Variants in ATXN7L3 observed in about 807,000 individuals in gnomAD.
ATXN7L3 encodes ataxin-7-like protein 3.
ATXN7L3 carries 6 observed loss-of-function variants against 50.0 expected under a neutral mutation model. The observed-to-expected ratio is 0.12, with a 90% confidence interval of 0.07 to 0.24. The LOEUF is 0.24. Among genes scored for constraint, ATXN7L3 ranks in the 10% least tolerant of loss-of-function variants. The probability of loss-of-function intolerance (pLI) is 1.00; values close to 1 mark genes in which losing one functional copy is unlikely to be tolerated. For missense variants in ATXN7L3, 322 were observed against 451.3 expected (o/e 0.71, Z 2.60); for synonymous variants, 198 against 165.8 (o/e 1.19, Z -1.49).
rs368051919 is a variant in ATXN7L3 at position 44,197,003 on chromosome 17, T to C, written c.380A>G (p.Asn127Ser). Residue 127 changes from asparagine to serine, a missense_variant, in exon 5 of 13, where the codon AAT (asparagine) becomes AGT (serine). This residue lies in a region of ATXN7L3 where 95 missense variants were observed against 98.1 expected (regional missense o/e 0.97). Transcript: ENST00000587097. The part of the protein sequence containing the change: ...NRRIANSNNM[N>S]KSESDQEDND... ...ATCTTCTTGGTCACTCTCAGACTTA[T>C]TCATATTGTTGCTATTGGCAATCCT... 7 of 1,613,282 alleles carry C rather than the reference T, an allele frequency of 4.3e-6. No individual in the cohort carries two copies. Among genetic ancestry groups the C allele is most frequent in the South Asian group, 1.1e-5 (1 of 91,052 alleles).
At chr17:44,194,466 A>AC in intron 12 of ATXN7L3, 51 bp downstream of exon 12, 1 of 1,612,714 alleles carries the variant, frequency 6.2e-7, no homozygotes, top group Non-Finnish European at 8.5e-7. Flanking sequence ...GAGAGGTGGC[A>AC]CCCCCATGGC....
rs1276258117 is a variant in ATXN7L3 at position 44,194,227 on chromosome 17, G to A, written c.*36C>T. 3.7e-6 allele frequency: 6 copies of A among 1,609,480 alleles called. No individual in the cohort carries two copies. In the South Asian group the frequency reaches 5.5e-5, roughly 15 times the overall value. ...ACCTGGGTGGGGGTCAGGAGAGAGG[G>A]CTCTGCTCAGCCAAAGGCTATCCCT... On this transcript the variant is annotated 3_prime_UTR_variant, in exon 13 of 13. Coordinates refer to ENST00000587097, the MANE Select transcript of ATXN7L3 (RefSeq NM_001382309.1).
intron 8 of ATXN7L3, 86 bp downstream of exon 8, chr17:44,195,714 C>A: frequency 6.9e-7 from 1 of 1,450,080 alleles, no homozygotes; most frequent in South Asian, 1.2e-5. Flanking sequence ...CTCTGGCTGT[C>A]AGCATTCTGA....
intron 11 of ATXN7L3, 35 bp downstream of exon 11, chr17:44,194,733 T>C: frequency 6.2e-7 from 1 of 1,613,730 alleles, no homozygotes; most frequent in Non-Finnish European, 8.5e-7. Flanking sequence ...CCCTAACTGG[T>C]CACAACCCCC....
chr17:44,193,952 C>A lies in ATXN7L3; in HGVS notation c.*311G>T. The A allele has an allele frequency of 3.1e-6, 1 of 323,010 alleles. No homozygotes were observed. Among genetic ancestry groups the A allele is most frequent in the South Asian group, 3.7e-5 (1 of 26,808 alleles). 20.0% of individuals were successfully genotyped at this position (323,010 alleles called of 1,614,324 possible). The stretch of plus-strand genomic sequence containing the variant: ...GGGCAGGCAGTGCCCTGGCACAGTG[C>A]CCAGGTCAGGCCCCTGGCCTAGCTG... On this transcript the variant is annotated 3_prime_UTR_variant, in exon 13 of 13. Transcript: ENST00000587097.
intron 8 of ATXN7L3, 100 bp from the exon 9 acceptor site, chr17:44,195,587 G>A (rs956741848): frequency 5.9e-6 from 8 of 1,357,616 alleles, no homozygotes; most frequent in African/African-American, 2.9e-5. Context: ...TTCTAAGTGA[G>A]GCTTTAGAAC....
intron 4 of ATXN7L3, 40 bp downstream of exon 4, chr17:44,197,188 G>A: frequency 6.3e-7 from 1 of 1,574,862 alleles, no homozygotes; most frequent in Non-Finnish European, 8.6e-7. Flanking sequence ...ACTACACCAT[G>A]GCACAGGCTG....
At chr17:44,197,792 C>G in intron 2 of ATXN7L3, 62 bp from the exon 3 acceptor site, 11 of 1,607,282 alleles carry the variant, frequency 6.8e-6, no homozygotes, top group African/African-American at 1.3e-5. Context: ...CTCTCACCAA[C>G]CAAATCTGCT....
intron 6 of ATXN7L3, 49 bp downstream of exon 6, chr17:44,196,347 G>T (rs1223259876): frequency 2.5e-6 from 4 of 1,610,818 alleles, no homozygotes; most frequent in Admixed American, 1.7e-5. Context: ...AAAGGGGAGG[G>T]TATCTGTCCT....
chr17:44,196,001 T>G, intron 7 of ATXN7L3, 33 bp downstream of exon 7: 1 of 1,592,490 alleles, frequency 6.3e-7, no homozygotes, highest in South Asian at 1.1e-5. Flanking sequence ...AAGACACAGC[T>G]AGAAGCATTC....
At position 44,192,646 on chromosome 17, in the gene ATXN7L3, T is replaced by G. The variant is rs562522564; in HGVS notation, c.*1617A>C. On this transcript the variant is annotated 3_prime_UTR_variant, in exon 13 of 13. Transcript: ENST00000587097. ...ATTCTAACTCCTGCCAAAATCTGTT[T>G]GGCTTTTTAAAAAATAATCACAATT... 6.6e-6 allele frequency: 1 copy of G among 152,230 alleles called. No individual in the cohort carries two copies. The highest frequency in any genetic ancestry group is 1.5e-5 in the Non-Finnish European group (1 of 68,046). 9.4% of individuals were successfully genotyped at this position (152,230 alleles called of 1,614,324 possible).
rs1482051988 is a variant in ATXN7L3 at position 44,192,124 on chromosome 17, G to C, written c.*2139C>G. 1 of 152,532 alleles carries C rather than the reference G, an allele frequency of 6.6e-6. No homozygotes were observed. The allele number at this position is 152,532 out of a possible 1,614,324, so 9.4% of individuals were successfully genotyped here. A position where few individuals can be genotyped will look rare whatever the true frequency, so the allele number is the denominator to read the frequency against. On this transcript the variant is annotated 3_prime_UTR_variant, in exon 13 of 13. Coordinates refer to ENST00000587097, the MANE Select transcript of ATXN7L3 (RefSeq NM_001382309.1). ...GGACGACACCTAGCCGGGGTGGGAA[G>C]GATGGGAATTGAAACCCACACAGCC...
At position 44,196,915 on chromosome 17, in the gene ATXN7L3, A is replaced by C. The variant is rs1397307474; in HGVS notation, c.454+14T>G. ...ATCCCAATGCCCCCCGGGTTTCCCC[A>C]GATCCCCAAGCACCTTTCTTCTCCG... On this transcript the variant is annotated intron_variant, in intron 5 of 12. Transcript: ENST00000587097. The C allele has an allele frequency of 1.2e-6, 2 of 1,602,020 alleles. No homozygotes were observed. Among genetic ancestry groups the C allele is most frequent in the Middle Eastern group, 1.7e-4 (1 of 6,034 alleles).
chr17:44,194,020 C>T lies in ATXN7L3; in HGVS notation c.*243G>A, dbSNP rs998256282. On this transcript the variant is annotated 3_prime_UTR_variant, in exon 13 of 13. Transcript: ENST00000587097. ...AGAATAAATAGGAAAACCGCCTCCC[C>T]ACCAAACTTATGTCCAAGGCATAAT... 1.5e-5 allele frequency: 8 copies of T among 522,640 alleles called. No homozygotes were observed. In the Admixed American group the frequency reaches 2.2e-4, roughly 14 times the overall value. The allele number at this position is 522,640 out of a possible 1,614,324, so 32.4% of individuals were successfully genotyped here.
intron 1 of ATXN7L3, chr17:44,198,938 CGA>C (rs2056030696): frequency 6.6e-6 from 1 of 152,552 alleles, no homozygotes; most frequent in Non-Finnish European, 1.5e-5. Context: ...ACGGTGGGTA[CGA>C]GTTTCAGGAG....
rs763403660 is a variant in ATXN7L3, at chr17:44,194,257, C to A, written c.*6G>T. On this transcript the variant is annotated 3_prime_UTR_variant, in exon 13 of 13. Coordinates refer to ENST00000587097, the MANE Select transcript of ATXN7L3 (RefSeq NM_001382309.1). ...GCTCAGCCAAAGGCTATCCCTTGCACCCAAGTCAGTTGATGTCATCATAGA... is the reference window on the plus strand; with the variant it reads ...GCTCAGCCAAAGGCTATCCCTTGCAACCAAGTCAGTTGATGTCATCATAGA... 1.9e-6 allele frequency: 3 copies of A among 1,614,006 alleles called. No homozygotes were observed. The Admixed American group carries it at 5.0e-5, about 27-fold the overall frequency.
intron 7 of ATXN7L3, 29 bp from the exon 8 acceptor site, chr17:44,195,857 G>A (rs772200393): frequency 1.2e-6 from 2 of 1,606,954 alleles, no homozygotes; most frequent in South Asian, 1.1e-5. Context: ...GGGGAAGGGT[G>A]TTTGATGCAG....
Position 44,194,543 on chromosome 17 carries a change from G to T in ATXN7L3, c.869C>A (p.Thr290Lys). 2 of 1,613,690 alleles carry T rather than the reference G, an allele frequency of 1.2e-6. No homozygotes were observed. Among genetic ancestry groups the T allele is most frequent in the Non-Finnish European group, 1.7e-6 (2 of 1,179,958 alleles). ...LSPSDSGSSK[T>K]SENQGWGLGT... ...TAGACCCCATCCCTGATTTTCACTC[G>T]TCTTGGAGGAGCCTGAATCAGAGGG... The change falls in exon 12 of 13, where the codon ACG becomes AAG. Residue 290 changes from threonine (T) to lysine (K), a missense_variant. This residue lies in a region of ATXN7L3 where 122 missense variants were observed against 130.8 expected (regional missense o/e 0.93). Coordinates refer to ENST00000587097, the MANE Select transcript of ATXN7L3 (RefSeq NM_001382309.1).
chr17:44,194,320 C>T lies in ATXN7L3; in HGVS notation c.987G>A (p.Lys329=), dbSNP rs1490999675. The change falls in exon 13 of 13, where the codon AAG becomes AAA. Residue 329 remains lysine (K), a synonymous_variant. Transcript: ENST00000587097. ...GGGGTGCCGGTGGCTTTGGCTTCTT[C>T]TTCTTGTTGGAACCTAGGCCGGAGG... ...GTASGLGSNK[K]KKPKPPAPPT... 5.6e-6 allele frequency: 9 copies of T among 1,614,222 alleles called. No individual in the cohort carries two copies. Among genetic ancestry groups the T allele is most frequent in the Non-Finnish European group, 5.9e-6 (7 of 1,180,042 alleles).
Sources: gnomAD v4.1 joint callset for allele counts on GRCh38, gnomAD v4.1.1 for gene constraint, gnomAD v4.1.1 regional missense constraint, MANE v1.5 for transcripts, NCBI Gene and HGNC (gene_info 2026-07-23, HGNC 2026-07-21) for gene names.